TTC13: variants seen among roughly 807,000 people sequenced by gnomAD.
TTC13 encodes the protein tetratricopeptide repeat protein 13.
A neutral mutation model predicts 120.0 loss-of-function variants in TTC13; 62 were observed. That is an observed-to-expected ratio of 0.52 (90% CI 0.42 to 0.64). The LOEUF (loss-of-function observed/expected upper bound fraction) is 0.64, where lower values mean the gene tolerates loss of function less well. Among genes scored for constraint, TTC13 ranks in the 30% least tolerant of loss-of-function variants. TTC13 has a pLI of 0.00. For missense variants in TTC13, 824 were observed against 1,050.2 expected (o/e 0.78, Z 2.98); for synonymous variants, 384 against 393.5 (o/e 0.98, Z 0.28).
chr1:230,945,037 A>G (rs556152326), intron 5 of TTC13, among the ~76,000 whole-genome samples: 1 of 152,328 alleles, frequency 6.6e-6, no homozygotes, highest in Admixed American at 6.5e-5. Flanking sequence ...GCCTAAAAAA[A>G]CCTTTTGTTC....
chr1:230,958,327 C>T (rs770403178), intron 2 of TTC13, 28 bp from the exon 3 acceptor site: 96 of 1,491,288 alleles, frequency 6.4e-5, no homozygotes, highest in Non-Finnish European at 7.8e-5. Flanking sequence ...AAAACCCATA[C>T]ATTTTAGCTA....
At chr1:230,965,949 C>T (rs976069151) in intron 1 of TTC13, among the ~76,000 whole-genome samples, 1 of 152,206 alleles carries the variant, frequency 6.6e-6, no homozygotes, top group Non-Finnish European at 1.5e-5. Context: ...CTGCACCTGA[C>T]TTAAATTTTC....
At chr1:230,939,537 A>G in intron 7 of TTC13, 41 bp from the exon 8 acceptor site, 8 of 1,330,110 alleles carry the variant, frequency 6.0e-6, no homozygotes, top group Non-Finnish European at 8.5e-6. Context: ...AATAGTATTC[A>G]TTAGATATGT....
intron 12 of TTC13, among the ~76,000 whole-genome samples, chr1:230,927,610 T>C (rs1484549193): frequency 6.6e-6 from 1 of 152,220 alleles, no homozygotes; most frequent in Non-Finnish European, 1.5e-5. Context: ...TGGTCAGTTA[T>C]TAAATTTCCA....
intron 17 of TTC13, among the ~76,000 whole-genome samples, chr1:230,920,027 C>A (rs1250429913): frequency 2.6e-5 from 4 of 152,194 alleles, no homozygotes; most frequent in Non-Finnish European, 4.4e-5. Flanking sequence ...CAAATTCCAG[C>A]CACTTTGGCA....
intron 4 of TTC13, among the ~76,000 whole-genome samples, 199 bp from the exon 5 acceptor site, chr1:230,945,653 T>C (rs1347803921): frequency 1.3e-5 from 2 of 152,184 alleles, no homozygotes; most frequent in African/African-American, 4.8e-5. Flanking sequence ...GATAAAAGTT[T>C]CATGTTGAAA....
intron 3 of TTC13, 74 bp downstream of exon 3, chr1:230,958,150 C>T: frequency 6.7e-7 from 1 of 1,494,234 alleles, no homozygotes; most frequent in Non-Finnish European, 9.3e-7. Flanking sequence ...CCTTACCATC[C>T]TGTCTTCCTG....
chr1:230,909,624 G>A (rs1478307666), intron 20 of TTC13, among the ~76,000 whole-genome samples: 2 of 152,214 alleles, frequency 1.3e-5, no homozygotes, highest in African/African-American at 2.4e-5. Flanking sequence ...ATACAATAAA[G>A]TTCATAAATA....
At position 230,945,578 on chromosome 1, in the gene TTC13, G is replaced by C. The variant is rs143653805; in HGVS notation, c.514-124C>G. On this transcript the variant is annotated intron_variant, in intron 4 of 22. Transcript: ENST00000366661. ...CTACTTCTTTATGCTACGACCACTC[G>C]TAAGTCAATACGCAGTCTCCAACCT... 4.8e-6 allele frequency: 4 copies of C among 837,936 alleles called. 1 individual carries two copies. The highest frequency in any genetic ancestry group is 2.1e-6 in the Non-Finnish European group (1 of 485,270). The allele number at this position is 837,936 out of a possible 1,614,324, so 51.9% of individuals were successfully genotyped here. A position where few individuals can be genotyped will look rare whatever the true frequency, so the allele number is the denominator to read the frequency against.
At chr1:230,933,253 A>T (rs1673729005) in intron 9 of TTC13, among the ~76,000 whole-genome samples, 1 of 151,074 alleles carries the variant, frequency 6.6e-6, no homozygotes, top group African/African-American at 2.4e-5. Flanking sequence ...GATTACAGGG[A>T]TGAGCCACCG....
Position 230,917,778 on chromosome 1 carries a change from G to T in TTC13, c.1984-1476C>A, listed in dbSNP as rs561373934. The stretch of plus-strand genomic sequence containing the variant: ...CACTCTGTTTTTCTTCTTAGACAAA[G>T]ACATATAAAATATTAAAATCTCCCT... On this transcript the variant is annotated intron_variant, in intron 17 of 22. Transcript: ENST00000366661. Among the ~76,000 whole-genome samples, 6 of 152,104 alleles carry T rather than the reference G, an allele frequency of 3.9e-5. No homozygotes were observed. The South Asian group carries it at 1.2e-3, about 32-fold the overall frequency.
rs1156574473 is a variant in TTC13, at chr1:230,923,693, C to A, written c.1814+148G>T. Reference sequence around the variant, plus strand: ...CTGGGCTAGAGGAAAGGAATGCAGGCAGGACTCCACAGGTGCAGAGTCAAT... The same window carrying A: ...CTGGGCTAGAGGAAAGGAATGCAGGAAGGACTCCACAGGTGCAGAGTCAAT... On this transcript the variant is annotated intron_variant, in intron 15 of 22. Coordinates refer to ENST00000366661, the MANE Select transcript of TTC13 (RefSeq NM_024525.5). 8.3e-6 allele frequency: 5 copies of A among 604,892 alleles called. No individual in the cohort carries two copies. The East Asian group carries it at 1.4e-4, about 17-fold the overall frequency. The allele number at this position is 604,892 out of a possible 1,614,324, so 37.5% of individuals were successfully genotyped here.
At chr1:230,970,852 G>A (rs1034186546) in intron 1 of TTC13, among the ~76,000 whole-genome samples, 7 of 152,170 alleles carry the variant, frequency 4.6e-5, no homozygotes, top group African/African-American at 1.4e-4. Flanking sequence ...AAATAAGGAT[G>A]ACTGGGCTTT....
At chr1:230,930,436 TAAC>T (rs944615710) in intron 11 of TTC13, among the ~76,000 whole-genome samples, 1 of 152,030 alleles carries the variant, frequency 6.6e-6, no homozygotes, top group African/African-American at 2.4e-5. Flanking sequence ...GGGCTCACAA[TAAC>T]AAAAAAGAAT....
At chr1:230,964,759 A>G (rs889029414) in intron 1 of TTC13, among the ~76,000 whole-genome samples, 20 of 152,210 alleles carry the variant, frequency 1.3e-4, no homozygotes, top group Admixed American at 9.8e-4. Flanking sequence ...CCAAAACAGC[A>G]TGGTACTGGC....
Position 230,916,257 on chromosome 1 carries a change from C to T in TTC13, c.2029G>A (p.Val677Ile), listed in dbSNP as rs1240467244. The T allele has an allele frequency of 1.9e-6, 3 of 1,614,168 alleles. No homozygotes were observed. The highest frequency in any genetic ancestry group is 2.5e-6 in the Non-Finnish European group (3 of 1,180,014). ...TTCCCTTGGTCTTTAAGGCTGGGAACTTTTGTGTTCACGGTGAACCCATCC... is the reference window on the plus strand; with the variant it reads ...TTCCCTTGGTCTTTAAGGCTGGGAATTTTTGTGTTCACGGTGAACCCATCC... ...TKDGFTVNTK[V>I]PSLKDQGKEY... Residue 677 changes from valine (V) to isoleucine (I), a missense_variant, in exon 18 of 23, where the codon GTT becomes ATT. Coordinates refer to ENST00000366661, the MANE Select transcript of TTC13 (RefSeq NM_024525.5).
intron 9 of TTC13, among the ~76,000 whole-genome samples, chr1:230,932,767 T>C (rs1169267870): frequency 6.6e-6 from 1 of 152,228 alleles, no homozygotes; most frequent in East Asian, 1.9e-4. Context: ...AAATAAGCTC[T>C]TGAATGTAAT....
At chr1:230,973,685 A>G (rs1236330924) in intron 1 of TTC13, among the ~76,000 whole-genome samples, 1 of 152,258 alleles carries the variant, frequency 6.6e-6, no homozygotes, top group Non-Finnish European at 1.5e-5. Flanking sequence ...CTAGAAATGC[A>G]TATGCTTGAA....
chr1:230,951,099 C>A (rs546594245), intron 4 of TTC13, among the ~76,000 whole-genome samples: 1 of 152,248 alleles, frequency 6.6e-6, no homozygotes, highest in African/African-American at 2.4e-5. Flanking sequence ...TTCCAATAAA[C>A]ACTTTGAAAC....
Sources: gnomAD v4.1 joint callset for allele counts (sites outside exome capture counted in the v4.1 genomes callset) on GRCh38, gnomAD v4.1.1 for gene constraint, MANE v1.5 for transcripts, NCBI Gene and HGNC (gene_info 2026-07-23, HGNC 2026-07-21) for gene names.